RORA: variants seen among roughly 807,000 people sequenced by gnomAD.
RORA encodes RAR related orphan receptor A.
RORA carries 7 observed loss-of-function variants against 69.5 expected under a neutral mutation model. The ratio of observed to expected loss-of-function variants is 0.10; its 90% CI spans 0.06 to 0.19. The LOEUF (loss-of-function observed/expected upper bound fraction) is 0.19, where lower values mean the gene tolerates loss of function less well. Among genes scored for constraint, RORA ranks in the 10% least tolerant of loss-of-function variants. The pLI is 1.00. For missense variants in RORA, 457 were observed against 663.0 expected, an observed-to-expected ratio of 0.69 and a Z score of 3.41; for synonymous variants, 261 against 240.8, an observed-to-expected ratio of 1.08 and a Z score of -0.78.
intron 1 of RORA, among the ~76,000 whole-genome samples, chr15:60,795,779 C>A (rs1010708206): frequency 2.6e-5 from 4 of 152,204 alleles, no homozygotes; most frequent in Non-Finnish European, 5.9e-5. Flanking sequence ...CCCCTCACCT[C>A]CATCCCTACC....
At chr15:60,804,043 A>G (rs949955803) in intron 1 of RORA, among the ~76,000 whole-genome samples, 1 of 152,046 alleles carries the variant, frequency 6.6e-6, no homozygotes, top group Non-Finnish European at 1.5e-5. Context: ...TAATCCCAAC[A>G]CTTTGAGAGG....
At chr15:60,861,576 A>G (rs1476718217) in intron 1 of RORA, among the ~76,000 whole-genome samples, 1 of 151,954 alleles carries the variant, frequency 6.6e-6, no homozygotes, top group East Asian at 1.9e-4. Flanking sequence ...CTGGTCTTCA[A>G]CTCCTGGGCT....
chr15:60,596,322 G>T (rs183434430), intron 2 of RORA, among the ~76,000 whole-genome samples: 37 of 152,070 alleles, frequency 2.4e-4, no homozygotes, highest in African/African-American at 8.4e-4. Flanking sequence ...TCCAGTGTGC[G>T]TCTGCTTGCT....
chr15:61,183,770 C>T (rs139376218), intron 1 of RORA, among the ~76,000 whole-genome samples: 1 of 152,272 alleles, frequency 6.6e-6, no homozygotes, highest in African/African-American at 2.4e-5. Context: ...CTGCTAAGAG[C>T]ACCTTGTCCT....
At chr15:61,204,650 T>G (rs2079924147) in intron 1 of RORA, among the ~76,000 whole-genome samples, 1 of 152,208 alleles carries the variant, frequency 6.6e-6, no homozygotes, top group African/African-American at 2.4e-5. Context: ...GAGATTTGCA[T>G]TTCCAAAAAT....
intron 1 of RORA, among the ~76,000 whole-genome samples, chr15:60,996,745 C>T (rs948426644): frequency 1.1e-4 from 17 of 151,974 alleles, no homozygotes; most frequent in Non-Finnish European, 1.6e-4. Flanking sequence ...CCCGTCTCTA[C>T]TAAAAATACA....
Position 60,601,575 on chromosome 15 carries a change from T to A in RORA, c.197-69724A>T, listed in dbSNP as rs896030391. On this transcript the variant is annotated intron_variant, in intron 2 of 10. Coordinates refer to ENST00000335670, the MANE Select transcript of RORA (RefSeq NM_134261.3). Reference sequence around the variant, plus strand: ...AACATCTGTTAAAAAGGTAAAAAAATAATGATTTCATAGTTCATGATATTC... The same window carrying A: ...AACATCTGTTAAAAAGGTAAAAAAAAAATGATTTCATAGTTCATGATATTC... Among the ~76,000 whole-genome samples the A allele has an allele frequency of 3.3e-5, 5 of 152,248 alleles. 1 individual carries two copies. The highest frequency in any genetic ancestry group is 4.1e-4 in the South Asian group (2 of 4,824).
At chr15:60,583,044 C>T (rs770847062) in intron 2 of RORA, among the ~76,000 whole-genome samples, 2 of 152,182 alleles carry the variant, frequency 1.3e-5, no homozygotes, top group African/African-American at 2.4e-5. Flanking sequence ...GCTGTCCCCT[C>T]GGCCGCCAGC....
chr15:60,875,408 T>C (rs914978665), intron 1 of RORA, among the ~76,000 whole-genome samples: 2 of 152,156 alleles, frequency 1.3e-5, no homozygotes, highest in African/African-American at 2.4e-5. Flanking sequence ...AGCAGTGAAC[T>C]TACAAAATGT....
chr15:60,674,605 T>C (rs1315472856), intron 2 of RORA, among the ~76,000 whole-genome samples: 1 of 152,268 alleles, frequency 6.6e-6, no homozygotes, highest in Admixed American at 6.5e-5. Context: ...ACTAAATCTT[T>C]TTATAAATAA....
chr15:60,591,614 C>G (rs564128788), intron 2 of RORA, among the ~76,000 whole-genome samples: 2 of 152,178 alleles, frequency 1.3e-5, no homozygotes, highest in Non-Finnish European at 2.9e-5. Context: ...CGGCCCTCAC[C>G]ACGGTCTAAC....
At position 60,747,796 on chromosome 15, in the gene RORA, A is replaced by T. The variant is rs190699863; in HGVS notation, c.167-69110T>A. Among the ~76,000 whole-genome samples the T allele has an allele frequency of 3.9e-3, 591 of 152,326 alleles. 2 individuals carry two copies. The highest frequency in any genetic ancestry group is 4.0e-3 in the Admixed American group (61 of 15,300). On this transcript the variant is annotated intron_variant, in intron 1 of 10. Transcript: ENST00000335670. ...CTCCCAGTTAAGCTACAAATCTAGT[A>T]GGTAGAACCTTTCTTGTTTCTACGC...
At chr15:60,638,974 C>T (rs1596086359) in intron 2 of RORA, among the ~76,000 whole-genome samples, 1 of 152,084 alleles carries the variant, frequency 6.6e-6, no homozygotes, top group East Asian at 1.9e-4. Flanking sequence ...GGCTGACCAA[C>T]GGGGATGAGG....
chr15:61,184,444 G>C (rs1427670692), intron 1 of RORA, among the ~76,000 whole-genome samples: 1 of 152,090 alleles, frequency 6.6e-6, no homozygotes. Context: ...GAATTAAGGA[G>C]AGTCTCTCTT....
At chr15:61,115,653 G>A (rs782929) in intron 1 of RORA, among the ~76,000 whole-genome samples, 17,903 of 152,130 alleles carry the variant, frequency 0.12, 1,508 homozygotes, top group African/African-American at 0.23. Context: ...CCTCAGTTAC[G>A]GTACCACATG....
intron 1 of RORA, among the ~76,000 whole-genome samples, chr15:61,143,022 T>G (rs1016657464): frequency 6.6e-6 from 1 of 152,116 alleles, no homozygotes; most frequent in Non-Finnish European, 1.5e-5. Context: ...GAGAAAGTCA[T>G]GAATAATAAA....
intron 1 of RORA, among the ~76,000 whole-genome samples, chr15:60,986,014 A>G (rs1566934304): frequency 6.6e-6 from 1 of 152,248 alleles, no homozygotes; most frequent in African/African-American, 2.4e-5. Context: ...CTTAGCAGTG[A>G]AAAGTCCCTG....
At chr15:60,714,056 CTCT>C (rs1243792763) in intron 1 of RORA, among the ~76,000 whole-genome samples, 97 of 150,770 alleles carry the variant, frequency 6.4e-4, no homozygotes, top group African/African-American at 2.1e-3. Context: ...CTCTCTCTCT[CTCT>C]TTTTTTTTTT....
chr15:61,107,318 G>A (rs2078961269), intron 1 of RORA, among the ~76,000 whole-genome samples: 1 of 152,258 alleles, frequency 6.6e-6, no homozygotes, highest in East Asian at 1.9e-4. Flanking sequence ...AAAATGATAG[G>A]TGGCAGTTTT....
Sources: allele counts gnomAD v4.1 joint callset (sites outside exome capture counted in the v4.1 genomes callset), GRCh38; gene constraint gnomAD v4.1.1; transcripts MANE v1.5; gene names NCBI Gene and HGNC (gene_info 2026-07-23, HGNC 2026-07-21).